The following ACLY variants were observed in gnomAD, a reference collection of about 807,000 sequenced individuals.
The protein encoded by ACLY is ATP citrate lyase, also known as ATP-citrate synthase.
Under a neutral mutation model 133.0 loss-of-function variants are expected in ACLY, and 41 were observed. That is an observed-to-expected ratio of 0.31 (90% CI 0.24 to 0.40). The LOEUF is 0.40. Ranked by LOEUF, ACLY falls within the 10% of genes least tolerant of loss-of-function variation. ACLY has a pLI of 1.00. For synonymous variants in ACLY, 495 were observed against 549.3 expected, an observed-to-expected ratio of 0.90 and a Z score of 1.38; for missense variants, 1,046 against 1,453.8, an observed-to-expected ratio of 0.72 and a Z score of 4.56.
At chr17:41,904,210 AGGAAGGGAGGGAG>A in intron 10 of ACLY, among the ~76,000 whole-genome samples, 1 of 89,872 alleles carries the variant, frequency 1.1e-5, no homozygotes, top group African/African-American at 4.4e-5. Flanking sequence ...GAGGGAGGAA[AGGAAGGGAGGGAG>A]GAAAGGAAGG....
chr17:41,868,683 C>T (rs782549342), intron 28 of ACLY, 26 bp downstream of exon 28: 1 of 1,598,928 alleles, frequency 6.3e-7, no homozygotes, highest in Non-Finnish European at 8.5e-7. Flanking sequence ...AAAAAAAACA[C>T]TTAAAACAAC....
At chr17:41,871,967 G>A in intron 24 of ACLY, 65 bp downstream of exon 24, 1 of 1,601,892 alleles carries the variant, frequency 6.2e-7, no homozygotes, top group Non-Finnish European at 8.5e-7. Context: ...CCCTGCTGTG[G>A]CAAAGCAGCA....
At chr17:41,928,161 T>C (rs540379904) in intron 1 of ACLY, among the ~76,000 whole-genome samples, 1 of 152,242 alleles carries the variant, frequency 6.6e-6, no homozygotes, top group East Asian at 1.9e-4. Context: ...AAAAATTAAT[T>C]AAATACATAT....
At chr17:41,915,025 G>A (rs1484821941) in intron 1 of ACLY, among the ~76,000 whole-genome samples, 1 of 152,142 alleles carries the variant, frequency 6.6e-6, no homozygotes, top group Non-Finnish European at 1.5e-5. Flanking sequence ...GCAAGGTTAT[G>A]ACCCAAGACT....
chr17:41,875,035 T>C (rs1313843756), intron 22 of ACLY, among the ~76,000 whole-genome samples: 4 of 151,116 alleles, frequency 2.6e-5, no homozygotes, highest in African/African-American at 9.7e-5. Flanking sequence ...ACACTTCAGA[T>C]ATAGCTGCCA....
chr17:41,868,831 C>G, intron 27 of ACLY, 46 bp from the exon 28 acceptor site: 1 of 1,569,722 alleles, frequency 6.4e-7, no homozygotes, highest in Non-Finnish European at 8.8e-7. Context: ...CACGTGACTG[C>G]CCTCCTCCCC....
chr17:41,886,084 GC>G (rs750475521), intron 18 of ACLY, 27 bp downstream of exon 18: 1 of 1,600,626 alleles, frequency 6.2e-7, no homozygotes, highest in Admixed American at 1.7e-5. Flanking sequence ...AAAGCAGGAA[GC>G]CCCTCCTTGG....
At chr17:41,902,029 G>A (rs1018484380) in intron 10 of ACLY, among the ~76,000 whole-genome samples, 5 of 152,180 alleles carry the variant, frequency 3.3e-5, no homozygotes, top group Admixed American at 6.5e-5. Context: ...TTAATGTCAT[G>A]GTGCTCCAGG....
chr17:41,882,513 AG>A (rs1555627553), intron 20 of ACLY, among the ~76,000 whole-genome samples: 2 of 151,790 alleles, frequency 1.3e-5, no homozygotes, highest in Non-Finnish European at 2.9e-5. Context: ...AAGGTGGTAA[AG>A]GGTTCTCTAA....
chr17:41,909,365 G>A, intron 5 of ACLY, 145 bp downstream of exon 5: 1 of 872,702 alleles, frequency 1.1e-6, no homozygotes, highest in Non-Finnish European at 1.8e-6. Flanking sequence ...TCCCCGCCCT[G>A]CACCCAGCTG....
At chr17:41,886,705 A>C (rs563501523) in intron 17 of ACLY, among the ~76,000 whole-genome samples, 2 of 151,718 alleles carry the variant, frequency 1.3e-5, no homozygotes, top group South Asian at 4.2e-4. Context: ...TGAGGCAGGG[A>C]GATTGCTTGA....
chr17:41,881,545 A>T (rs1311177872), intron 20 of ACLY, among the ~76,000 whole-genome samples: 1 of 152,036 alleles, frequency 6.6e-6, no homozygotes. Context: ...TTACTTCCTC[A>T]TTTAAGTCAT....
chr17:41,878,786 G>A lies in ACLY; in HGVS notation c.2393+11C>T, dbSNP rs2048829153. On this transcript the variant is annotated intron_variant, in intron 21 of 28. Transcript: ENST00000352035. The stretch of plus-strand genomic sequence containing the variant: ...AGGGGGAGGCCGGCATCCTCCCCAA[G>A]GTCCACTTACTGGATGATCTCTCCA... 4 of 1,613,450 alleles carry A rather than the reference G, an allele frequency of 2.5e-6. No individual in the cohort carries two copies. The highest frequency in any genetic ancestry group is 3.4e-6 in the Non-Finnish European group (4 of 1,179,774).
At chr17:41,924,633 G>C (rs531015966) in intron 1 of ACLY, among the ~76,000 whole-genome samples, 24 of 152,212 alleles carry the variant, frequency 1.6e-4, no homozygotes, top group African/African-American at 5.3e-4. Flanking sequence ...TTCCATCAGA[G>C]CTAAGGGCCT....
At chr17:41,918,733 C>A in intron 1 of ACLY, 147 bp downstream of exon 1, 1 of 1,038,194 alleles carries the variant, frequency 9.6e-7, no homozygotes, top group Non-Finnish European at 1.3e-6. Context: ...CGAAGGCTAA[C>A]CTAAAGCTAA....
chr17:41,886,747 A>G (rs1555628198), intron 17 of ACLY, among the ~76,000 whole-genome samples: 3 of 152,022 alleles, frequency 2.0e-5, no homozygotes, highest in African/African-American at 4.8e-5. Context: ...GAAGTGTGTT[A>G]TAACTGCACC....
chr17:41,883,340 T>G, intron 19 of ACLY, 108 bp from the exon 20 acceptor site: 12 of 853,578 alleles, frequency 1.4e-5, no homozygotes, highest in Non-Finnish European at 1.8e-5. Context: ...TAAAAGGAGT[T>G]TAATTTCAGC....
chr17:41,888,243 C>T (rs1031193641), intron 16 of ACLY, among the ~76,000 whole-genome samples: 4 of 152,164 alleles, frequency 2.6e-5, no homozygotes, highest in Non-Finnish European at 5.9e-5. Flanking sequence ...GGTGGATAGC[C>T]GAAACTGATC....
At chr17:41,911,350 T>C (rs147616376) in intron 3 of ACLY, among the ~76,000 whole-genome samples, 153 of 152,278 alleles carry the variant, frequency 1.0e-3, no homozygotes, top group African/African-American at 3.5e-3. Flanking sequence ...GATGGCACAT[T>C]CTTCCCAGGC....
Sources: allele counts gnomAD v4.1 joint callset (sites outside exome capture counted in the v4.1 genomes callset), GRCh38; gene constraint gnomAD v4.1.1; transcripts MANE v1.5; gene names NCBI Gene and HGNC (gene_info 2026-07-23, HGNC 2026-07-21).